The following TAOK1 variants were observed in gnomAD, a reference collection of about 807,000 sequenced individuals.
TAOK1 encodes serine/threonine-protein kinase TAO1.
TAOK1 carries 21 observed loss-of-function variants against 138.3 expected under a neutral mutation model. The ratio of observed to expected loss-of-function variants is 0.15; its 90% confidence interval spans 0.11 to 0.22. TAOK1 has a LOEUF of 0.22. Ranked by LOEUF, TAOK1 falls within the 10% of genes least tolerant of loss-of-function variation. The probability of loss-of-function intolerance (pLI) is 1.00; values close to 1 mark genes in which losing one functional copy is unlikely to be tolerated. For synonymous variants in TAOK1, 361 were observed against 398.4 expected, an observed-to-expected ratio of 0.91 and a Z score of 1.12; for missense variants, 651 against 1,227.7, an observed-to-expected ratio of 0.53 and a Z score of 7.02.
chr17:29,531,385 T>C (rs1008959012), intron 18 of TAOK1, among the ~76,000 whole-genome samples: 2 of 152,020 alleles, frequency 1.3e-5, no homozygotes, highest in Non-Finnish European at 2.9e-5. Context: ...TTCAAGGGGA[T>C]TCTCCGTCCT....
Position 29,489,645 on chromosome 17 carries a change from T to C in TAOK1, c.656-19T>C. On this transcript the variant is annotated intron_variant, in intron 8 of 19. Coordinates refer to ENST00000261716, the MANE Select transcript of TAOK1 (RefSeq NM_020791.4). ...CCCCTGGAACCTATTTTAACAGGAA[T>C]GTTTCCTTTCTTTTACAGCGGAAAG... 12 of 1,572,554 alleles carry C rather than the reference T, an allele frequency of 7.6e-6. No individual in the cohort carries two copies. Among genetic ancestry groups the C allele is most frequent in the Non-Finnish European group, 1.0e-5 (12 of 1,153,388 alleles).
At position 29,431,803 on chromosome 17, in the gene TAOK1, AT is replaced by A. The variant is rs71360705; in HGVS notation, c.-94-19631del. On this transcript the variant is annotated intron_variant, in intron 1 of 19. Transcript: ENST00000261716. ...AGGTGCCCACCACCATGCCTGGCTA[AT>A]TTTTTTTTTTTTTTTTTTTTGAGAT... is the stretch of plus-strand genomic sequence containing the variant. 7.3e-3 allele frequency among the ~76,000 whole-genome samples: 825 copies of A among 113,014 alleles called. 6 individuals carry two copies. Among genetic ancestry groups the A allele is most frequent in the African/African-American group, 0.025 (715 of 28,476 alleles). 74.1% of individuals were successfully genotyped at this position (113,014 alleles called of 152,430 possible). A position where few individuals can be genotyped will look rare whatever the true frequency, so the allele number is the denominator to read the frequency against.
intron 1 of TAOK1, among the ~76,000 whole-genome samples, chr17:29,392,102 G>A (rs1037132252): frequency 6.6e-6 from 1 of 152,156 alleles, no homozygotes; most frequent in African/African-American, 2.4e-5. Context: ...TGTAGTCCCA[G>A]CTACTCGGGA....
chr17:29,540,806 G>A (rs947533927), intron 19 of TAOK1, among the ~76,000 whole-genome samples: 1 of 151,706 alleles, frequency 6.6e-6, no homozygotes, highest in Non-Finnish European at 1.5e-5. Flanking sequence ...CCAACCTCAA[G>A]TGATCTGCCT....
intron 8 of TAOK1, among the ~76,000 whole-genome samples, chr17:29,488,068 A>G (rs1372919234): frequency 6.6e-6 from 1 of 152,228 alleles, no homozygotes; most frequent in Non-Finnish European, 1.5e-5. Context: ...ACTGAGGGAC[A>G]TTCAGGAGTC....
intron 9 of TAOK1, among the ~76,000 whole-genome samples, chr17:29,489,982 T>C (rs1025514456): frequency 1.3e-4 from 20 of 152,094 alleles, no homozygotes; most frequent in African/African-American, 4.8e-4. Context: ...GTCACATGAA[T>C]GCAAAAAGTA....
Position 29,548,933 on chromosome 17 carries a change from T to C in TAOK1, c.*5911T>C, listed in dbSNP as rs999279498. ...TGGTCAGGTTTGAGATCTTTTGCAG[T>C]GAAATAATTTTATTTAATATAAATG... On this transcript the variant is annotated 3_prime_UTR_variant, in exon 20 of 20. Transcript: ENST00000261716. 2.0e-5 allele frequency: 3 copies of C among 152,132 alleles called. No individual in the cohort carries two copies. Among genetic ancestry groups the C allele is most frequent in the African/African-American group, 7.2e-5 (3 of 41,436 alleles). 9.4% of individuals were successfully genotyped at this position (152,132 alleles called of 1,614,324 possible).
chr17:29,439,149 T>C (rs948349267), intron 1 of TAOK1, among the ~76,000 whole-genome samples: 2 of 151,982 alleles, frequency 1.3e-5, no homozygotes, highest in Non-Finnish European at 2.9e-5. Context: ...AGTATTCTTA[T>C]CAAATATACA....
At chr17:29,498,044 A>C (rs2031447111) in intron 11 of TAOK1, among the ~76,000 whole-genome samples, 2 of 152,180 alleles carry the variant, frequency 1.3e-5, no homozygotes, top group African/African-American at 4.8e-5. Context: ...TAGATAAAAT[A>C]TTGTACTTTG....
At chr17:29,529,500 G>A (rs969640048) in intron 17 of TAOK1, among the ~76,000 whole-genome samples, 1 of 152,104 alleles carries the variant, frequency 6.6e-6, no homozygotes, top group Non-Finnish European at 1.5e-5. Flanking sequence ...AGGAGGCCAA[G>A]GCAGGTGGAT....
Position 29,390,432 on chromosome 17 carries a change from G to C in TAOK1, c.-687G>C, listed in dbSNP as rs961285086. On this transcript the variant is annotated 5_prime_UTR_variant, in exon 1 of 20. Transcript: ENST00000261716. The stretch of plus-strand genomic sequence containing the variant: ...GGGAGGGTGGCAAAGAGACTGAGTC[G>C]GTGCCGCCGCCTGCCTGAGGAGAGA... 6.6e-6 allele frequency: 1 copy of C among 152,456 alleles called. No homozygotes were observed. Among genetic ancestry groups the C allele is most frequent in the Non-Finnish European group, 1.5e-5 (1 of 68,314 alleles). 9.4% of individuals were successfully genotyped at this position (152,456 alleles called of 1,614,324 possible). A position where few individuals can be genotyped will look rare whatever the true frequency, so the allele number is the denominator to read the frequency against.
chr17:29,399,973 C>A (rs1002306113), intron 1 of TAOK1, among the ~76,000 whole-genome samples: 3 of 152,106 alleles, frequency 2.0e-5, no homozygotes, highest in African/African-American at 7.2e-5. Flanking sequence ...TTTAAGTGAT[C>A]CTTCTGCCTT....
chr17:29,471,979 G>GTCAC (rs1418693827), intron 3 of TAOK1, among the ~76,000 whole-genome samples: 12 of 152,152 alleles, frequency 7.9e-5, no homozygotes, highest in African/African-American at 2.9e-4. Flanking sequence ...CAGCAGTGTA[G>GTCAC]TCACATCTTC....
chr17:29,417,825 G>T (rs1201363724), intron 1 of TAOK1, among the ~76,000 whole-genome samples: 1 of 152,114 alleles, frequency 6.6e-6, no homozygotes, highest in Non-Finnish European at 1.5e-5. Flanking sequence ...TTTCTTAATG[G>T]TATCTTTCAC....
intron 1 of TAOK1, among the ~76,000 whole-genome samples, chr17:29,439,406 T>C (rs1002180350): frequency 2.6e-5 from 4 of 152,054 alleles, no homozygotes; most frequent in African/African-American, 9.7e-5. Context: ...GATTTCACCA[T>C]GTTGATCAGG....
chr17:29,459,615 A>G (rs1439116278), intron 2 of TAOK1, among the ~76,000 whole-genome samples: 1 of 152,170 alleles, frequency 6.6e-6, no homozygotes, highest in Non-Finnish European at 1.5e-5. Flanking sequence ...TTCATTGTAT[A>G]AATGTACCAC....
chr17:29,531,775 A>C (rs1193042867), intron 18 of TAOK1, among the ~76,000 whole-genome samples: 1 of 136,562 alleles, frequency 7.3e-6, no homozygotes. Context: ...AAAAAAAAAA[A>C]CAGGGCCAGA....
intron 1 of TAOK1, among the ~76,000 whole-genome samples, chr17:29,442,843 G>A (rs556483822): frequency 1.2e-4 from 18 of 152,220 alleles, no homozygotes; most frequent in African/African-American, 4.1e-4. Context: ...GATCACTTGA[G>A]CCCAGGAGTT....
intron 1 of TAOK1, among the ~76,000 whole-genome samples, chr17:29,392,285 T>G (rs1904459593): frequency 6.6e-6 from 1 of 152,248 alleles, no homozygotes; most frequent in African/African-American, 2.4e-5. Context: ...CTCCCTAAGC[T>G]GTGAATTTTT....
Sources: gnomAD v4.1 joint callset for allele counts (sites outside exome capture counted in the v4.1 genomes callset) on GRCh38, gnomAD v4.1.1 for gene constraint, MANE v1.5 for transcripts, NCBI Gene and HGNC (gene_info 2026-07-23, HGNC 2026-07-21) for gene names.